TKT: variants seen among roughly 807,000 people sequenced by gnomAD.
TKT encodes the protein transketolase, also known as epididymis luminal protein 107.
A neutral mutation model predicts 63.9 loss-of-function variants in TKT; 47 were observed. The observed-to-expected ratio is 0.74, with a 90% CI of 0.58 to 0.94. The LOEUF is 0.94. Among genes scored for constraint, TKT ranks in the 40% least tolerant of loss-of-function variants. TKT has a pLI of 0.00. For missense variants in TKT, 721 were observed against 846.2 expected (o/e 0.85, Z 1.84); for synonymous variants, 338 against 334.1 (o/e 1.01, Z -0.13).
At chr3:53,244,430 G>A (rs1705420742) in intron 1 of TKT, among the ~76,000 whole-genome samples, 1 of 152,170 alleles carries the variant, frequency 6.6e-6, no homozygotes, top group Middle Eastern at 3.2e-3. Flanking sequence ...AACGCAGCAT[G>A]CACAGTACCC....
chr3:53,229,451 G>C lies in TKT; in HGVS notation c.1108-15C>G. On this transcript the variant is annotated splice_polypyrimidine_tract_variant and intron_variant, in intron 8 of 13. Transcript: ENST00000462138. ...GCGATGCTCACCTGGGGGCAGGTGG[G>C]ACAGGGTCAGCCCAAAGGGGCAGGC... 1 of 1,594,754 alleles carries C rather than the reference G, an allele frequency of 6.3e-7. No individual in the cohort carries two copies. The highest frequency in any genetic ancestry group is 8.5e-7 in the Non-Finnish European group (1 of 1,171,228).
At chr3:53,240,138 A>C (rs1343450684) in intron 4 of TKT, 113 bp downstream of exon 4, 2 of 996,104 alleles carry the variant, frequency 2.0e-6, no homozygotes, top group Non-Finnish European at 3.0e-6. Flanking sequence ...CATATGTATT[A>C]CTCTGCCCTA....
intron 6 of TKT, chr3:53,232,829 C>T: frequency 2.4e-6 from 1 of 414,940 alleles, no homozygotes; most frequent in Non-Finnish European, 4.3e-6. Flanking sequence ...AGAGCACACA[C>T]AGCTGCAGCT....
At position 53,255,816 on chromosome 3, in the gene TKT, G is replaced by A; in HGVS notation, c.107+20C>T. 1 of 1,461,382 alleles carries A rather than the reference G, an allele frequency of 6.8e-7. No homozygotes were observed. The highest frequency in any genetic ancestry group is 9.1e-7 in the Non-Finnish European group (1 of 1,101,186). The allele number at this position is 1,461,382 out of a possible 1,614,324, so 90.5% of individuals were successfully genotyped here. A position where few individuals can be genotyped will look rare whatever the true frequency, so the allele number is the denominator to read the frequency against. ...CCCGCCCCGCCCGAGCCGCGTCCCC[G>A]GCCGGCGCCGCGCACTCACCCAGAG... On this transcript the variant is annotated intron_variant, in intron 1 of 13. Coordinates refer to ENST00000462138, the MANE Select transcript of TKT (RefSeq NM_001064.4).
At chr3:53,244,530 T>G (rs912360237) in intron 1 of TKT, among the ~76,000 whole-genome samples, 18 of 152,162 alleles carry the variant, frequency 1.2e-4, no homozygotes, top group African/African-American at 4.3e-4. Context: ...CCACTCCTGC[T>G]GGCCACAGGC....
chr3:53,228,889 C>T (rs2106662671), intron 10 of TKT, 118 bp downstream of exon 10: 1 of 1,428,064 alleles, frequency 7.0e-7, no homozygotes, highest in Non-Finnish European at 9.5e-7. Context: ...ACACGAACAC[C>T]AGGGGCAAGG....
At position 53,240,434 on chromosome 3, in the gene TKT, C is replaced by T. The variant is rs568132816; in HGVS notation, c.340-86G>A. 56 of 1,290,928 alleles carry T rather than the reference C, an allele frequency of 4.3e-5. No individual in the cohort carries two copies. The African/African-American group carries it at 6.6e-4, about 15-fold the overall frequency. 80.0% of individuals were successfully genotyped at this position (1,290,928 alleles called of 1,614,324 possible). A position where few individuals can be genotyped will look rare whatever the true frequency, so the allele number is the denominator to read the frequency against. On this transcript the variant is annotated intron_variant, in intron 3 of 13. Coordinates refer to ENST00000462138, the MANE Select transcript of TKT (RefSeq NM_001064.4). ...TAGGGAGCCACACTCCCACCCAGCC[C>T]AGCAAGCCCTTCCTCTGCAGAAGGT...
At chr3:53,237,600 T>C (rs1705092244) in intron 4 of TKT, among the ~76,000 whole-genome samples, 1 of 151,308 alleles carries the variant, frequency 6.6e-6, no homozygotes, top group Admixed American at 6.6e-5. Context: ...TAGATTTAAA[T>C]TGGGGGTGGG....
intron 1 of TKT, among the ~76,000 whole-genome samples, chr3:53,255,231 G>A (rs1259344186): frequency 6.6e-6 from 1 of 152,216 alleles, no homozygotes; most frequent in Non-Finnish European, 1.5e-5. Context: ...CAGGAGACAG[G>A]GGTAGGGGAG....
At chr3:53,243,446 GC>G (rs1553680336) in intron 1 of TKT, 1 of 377,160 alleles carries the variant, frequency 2.7e-6, no homozygotes, top group East Asian at 7.7e-5. Context: ...CCAGCCTCCC[GC>G]CCCTCCAATC....
At position 53,225,703 on chromosome 3, in the gene TKT, T is replaced by C. The variant is rs1276482104; in HGVS notation, c.*53A>G. 7 of 1,519,112 alleles carry C rather than the reference T, an allele frequency of 4.6e-6. No homozygotes were observed. In the African/African-American group the frequency reaches 9.7e-5, roughly 21 times the overall value. 94.1% of individuals were successfully genotyped at this position (1,519,112 alleles called of 1,614,324 possible). A position where few individuals can be genotyped will look rare whatever the true frequency, so the allele number is the denominator to read the frequency against. ...TCCTCTCAGTACATCTTTGAGCACC[T>C]TTCCCAGAATCTCAGGAATGTATAG... On this transcript the variant is annotated 3_prime_UTR_variant, in exon 14 of 14. Transcript: ENST00000462138.
chr3:53,237,024 A>G (rs12633000), intron 4 of TKT, among the ~76,000 whole-genome samples: 2 of 152,132 alleles, frequency 1.3e-5, no homozygotes, highest in Non-Finnish European at 2.9e-5. Context: ...TTACGTGTCC[A>G]ACAACAAAGG....
At chr3:53,234,780 T>C (rs1704935858) in intron 5 of TKT, 3 of 475,968 alleles carry the variant, frequency 6.3e-6, no homozygotes, top group Admixed American at 8.2e-5. Flanking sequence ...GAAACTCACT[T>C]AAAACTGGGC....
chr3:53,236,522 C>T (rs1423916619), intron 4 of TKT, among the ~76,000 whole-genome samples: 1 of 152,234 alleles, frequency 6.6e-6, no homozygotes, highest in Non-Finnish European at 1.5e-5. Flanking sequence ...CCCAGCCTTG[C>T]CTCCTCTTTC....
intron 1 of TKT, among the ~76,000 whole-genome samples, chr3:53,244,602 A>G (rs1308944605): frequency 6.6e-6 from 1 of 152,208 alleles, no homozygotes; most frequent in Non-Finnish European, 1.5e-5. Flanking sequence ...TAAAGCACTG[A>G]GCACACAGGA....
At position 53,229,007 on chromosome 3, in the gene TKT, C is replaced by T; in HGVS notation, c.1395G>A (p.Lys465=). 1 of 1,614,104 alleles carries T rather than the reference C, an allele frequency of 6.2e-7. No individual in the cohort carries two copies. Among genetic ancestry groups the T allele is most frequent in the African/African-American group, 1.3e-5 (1 of 75,040 alleles). Residue 465 remains lysine (K), a splice_region_variant and synonymous_variant, in exon 10 of 14, where the codon AAG becomes AAA. Transcript: ENST00000462138. ...GAGAAAGAACAGCCATGCAACCTAC[C>T]TTTGTATTGGCGGCTAGTTCCACTG... ...EKAVELAANT[K]GICFIRTSRP...
intron 1 of TKT, among the ~76,000 whole-genome samples, chr3:53,249,877 G>A (rs1295673760): frequency 6.6e-6 from 1 of 152,198 alleles, no homozygotes; most frequent in Non-Finnish European, 1.5e-5. Flanking sequence ...AAACTGGTCT[G>A]TGGCAAGAAG....
chr3:53,244,345 G>A (rs560042638), intron 1 of TKT, among the ~76,000 whole-genome samples: 65 of 152,296 alleles, frequency 4.3e-4, no homozygotes, highest in Non-Finnish European at 6.3e-4. Context: ...TGGGCTTCGT[G>A]ACTTCAACAA....
chr3:53,229,892 T>G (rs1553676604), intron 8 of TKT, among the ~76,000 whole-genome samples: 1 of 152,118 alleles, frequency 6.6e-6, no homozygotes, highest in Non-Finnish European at 1.5e-5. Context: ...TCCCTGTCCC[T>G]AGGGGCCTGC....
Sources: gnomAD v4.1 joint callset for allele counts (sites outside exome capture counted in the v4.1 genomes callset) on GRCh38, gnomAD v4.1.1 for gene constraint, MANE v1.5 for transcripts, NCBI Gene and HGNC (gene_info 2026-07-23, HGNC 2026-07-21) for gene names.